Variants in LCA5 observed in about 807,000 individuals in gnomAD.
LCA5 encodes the protein lebercilin.
A neutral mutation model predicts 53.0 loss-of-function variants in LCA5; 37 were observed. The observed-to-expected ratio is 0.70, with a 90% confidence interval of 0.54 to 0.92. The LOEUF (loss-of-function observed/expected upper bound fraction) is 0.92. Ranked by LOEUF, LCA5 falls within the 40% of genes least tolerant of loss-of-function variation. LCA5 has a pLI of 0.00. For missense variants in LCA5, 806 were observed against 790.5 expected (o/e 1.02, Z -0.23); for synonymous variants, 303 against 282.9 (o/e 1.07, Z -0.71).
At chr6:79,513,185 T>C (rs1421738914) in intron 3 of LCA5, 27 bp downstream of exon 3, 9 of 1,601,582 alleles carry the variant, frequency 5.6e-6, no homozygotes, top group Non-Finnish European at 7.7e-6. Flanking sequence ...CCCAAGAAAG[T>C]ACAATTAGAA....
At chr6:79,489,997 A>G (rs1769792731) in intron 6 of LCA5, among the ~76,000 whole-genome samples, 1 of 152,070 alleles carries the variant, frequency 6.6e-6, no homozygotes, top group Admixed American at 6.6e-5. Context: ...CCTTTCCCAC[A>G]GGGGTGGAAA....
intron 3 of LCA5, among the ~76,000 whole-genome samples, chr6:79,512,720 G>A (rs1266265471): frequency 6.6e-6 from 1 of 152,098 alleles, no homozygotes; most frequent in African/African-American, 2.4e-5. Flanking sequence ...TTTTAAAAGA[G>A]CTGCTGTATT....
chr6:79,506,163 A>G (rs919787193), intron 3 of LCA5, among the ~76,000 whole-genome samples: 1 of 152,164 alleles, frequency 6.6e-6, no homozygotes, highest in Admixed American at 6.5e-5. Context: ...ATACTCAAGC[A>G]TTCCCCAAAA....
chr6:79,522,806 GA>G, intron 1 of LCA5, among the ~76,000 whole-genome samples: 1 of 151,906 alleles, frequency 6.6e-6, no homozygotes, highest in Non-Finnish European at 1.5e-5. Context: ...CCCACCTCCT[GA>G]GTAGCCAGAA....
intron 1 of LCA5, among the ~76,000 whole-genome samples, chr6:79,524,516 C>A (rs1052669321): frequency 2.0e-5 from 3 of 152,164 alleles, no homozygotes; most frequent in Admixed American, 6.5e-5. Context: ...ATGTTATAAT[C>A]ATTCTTTTAT....
chr6:79,526,954 C>G (rs1766809632), intron 1 of LCA5, among the ~76,000 whole-genome samples: 1 of 152,156 alleles, frequency 6.6e-6, no homozygotes, highest in African/African-American at 2.4e-5. Context: ...TGGCCATATC[C>G]TCCACCCTGT....
chr6:79,518,641 C>A, intron 2 of LCA5, 64 bp downstream of exon 2: 1 of 1,436,254 alleles, frequency 7.0e-7, no homozygotes, highest in East Asian at 2.3e-5. Context: ...CATGCACACA[C>A]ATTTTCCTTA....
At chr6:79,521,405 G>A (rs570491716) in intron 1 of LCA5, among the ~76,000 whole-genome samples, 1 of 152,210 alleles carries the variant, frequency 6.6e-6, no homozygotes, top group Admixed American at 6.5e-5. Context: ...TATTCCTAGT[G>A]AGACATAATG....
chr6:79,491,615 TTTGTTTTCGTAACACATAA>T lies in LCA5; in HGVS notation c.1052_1070del (p.Ile351AsnfsTer26). 6.2e-7 allele frequency: 1 copy of T among 1,613,158 alleles called. No individual in the cohort carries two copies. Among genetic ancestry groups the T allele is most frequent in the Non-Finnish European group, 8.5e-7 (1 of 1,179,238 alleles). ...AAGTAAGATGTCCTGGTTCTTCCCA[TTTGTTTTCGTAACACATAA>T]TTGTTTCTGGAGTTAAAGGATATTC... On this transcript the variant is annotated frameshift_variant, in exon 6 of 8. Transcript: ENST00000369846. LOFTEE classifies it high-confidence loss of function.
intron 6 of LCA5, among the ~76,000 whole-genome samples, chr6:79,490,240 C>A (rs1769800162): frequency 6.6e-6 from 1 of 152,022 alleles, no homozygotes. Context: ...TTTACAGTGG[C>A]AGGCTCAGTC....
Position 79,486,761 on chromosome 6 carries a change from C to G in LCA5, c.*243G>C. 1 of 418,038 alleles carries G rather than the reference C, an allele frequency of 2.4e-6. No individual in the cohort carries two copies. The highest frequency in any genetic ancestry group is 4.2e-6 in the Non-Finnish European group (1 of 237,242). The allele number at this position is 418,038 out of a possible 1,614,324, so 25.9% of individuals were successfully genotyped here. On this transcript the variant is annotated 3_prime_UTR_variant, in exon 8 of 8. Transcript: ENST00000369846. Reference sequence around the variant, plus strand: ...ATAGCACTGGATGAAGAGTTAAAATCTATTTCATTTTTCAAGACATATTTT... The same window carrying G: ...ATAGCACTGGATGAAGAGTTAAAATGTATTTCATTTTTCAAGACATATTTT...
Position 79,493,618 on chromosome 6 carries a change from A to C in LCA5, c.853T>G (p.Leu285Val). 6.2e-7 allele frequency: 1 copy of C among 1,612,812 alleles called. No homozygotes were observed. Residue 285 changes from leucine (L) to valine (V), a missense_variant, in exon 4 of 8, where the codon TTA becomes GTA. Leu to Val is a conservative substitution (Grantham distance 32). Transcript: ENST00000369846. ...QKEVQRLYHK[L>V]KEKERELDIK... ...ATGCAATTTAAAATACTTACCTTTA[A>C]TTTGTGATATAGTCGCTGTACCTCC...
At chr6:79,504,019 G>A (rs1770212087) in intron 3 of LCA5, among the ~76,000 whole-genome samples, 1 of 152,014 alleles carries the variant, frequency 6.6e-6, no homozygotes, top group Admixed American at 6.6e-5. Context: ...TAGGGGATGG[G>A]AAACAAAAAA....
At chr6:79,489,296 A>T (rs947263449) in intron 6 of LCA5, 80 bp from the exon 7 acceptor site, 1 of 1,377,496 alleles carries the variant, frequency 7.3e-7, no homozygotes, top group African/African-American at 1.4e-5. Flanking sequence ...TATCCATTAA[A>T]CATGATTACC....
chr6:79,487,588 T>C lies in LCA5; in HGVS notation c.1510A>G (p.Arg504Gly). 1 of 1,614,074 alleles carries C rather than the reference T, an allele frequency of 6.2e-7. No homozygotes were observed. The highest frequency in any genetic ancestry group is 1.3e-5 in the African/African-American group (1 of 75,038). The part of the protein sequence containing the change: ...DFESKLHSPE[R>G]SPKTYRFSES... ...GAGAACCTGTATGTTTTGGGGCTTC[T>C]CTCTGGGGAGTGTAGTTTTGATTCA... The change falls in exon 8 of 8, where the codon AGA (arginine) becomes GGA (glycine). Residue 504 changes from arginine (R) to glycine (G), a missense_variant. Physicochemically the swap from Arg to Gly is moderately radical, Grantham distance 125. Transcript: ENST00000369846.
At chr6:79,494,708 T>C (rs551622533) in intron 3 of LCA5, among the ~76,000 whole-genome samples, 9 of 152,304 alleles carry the variant, frequency 5.9e-5, no homozygotes, top group African/African-American at 2.2e-4. Context: ...AACACAATCT[T>C]TTTCAATGGA....
In LCA5 at chr6:79,487,326, C is replaced by A; in HGVS notation, c.1772G>T (p.Gly591Val). The stretch of plus-strand genomic sequence containing the variant: ...CTCTTTTCTTGTAATTAAATCTACA[C>A]CATCTTTACTAAGTTTTTCCATACT... The part of the protein sequence containing the change: ...RNSMEKLSKD[G>V]VDLITRKEKK... Residue 591 changes from glycine to valine, a missense_variant, in exon 8 of 8, where the codon GGT becomes GTT. Physicochemically the swap from Gly to Val is moderately radical, Grantham distance 109. Coordinates refer to ENST00000369846, the MANE Select transcript of LCA5 (RefSeq NM_001122769.3). The A allele has an allele frequency of 1.9e-6, 3 of 1,613,948 alleles. No individual in the cohort carries two copies. The highest frequency in any genetic ancestry group is 2.5e-6 in the Non-Finnish European group (3 of 1,179,878).
At chr6:79,498,199 T>C (rs1241320489) in intron 3 of LCA5, among the ~76,000 whole-genome samples, 2 of 151,248 alleles carry the variant, frequency 1.3e-5, no homozygotes, top group Admixed American at 6.6e-5. Flanking sequence ...TGTGTATATA[T>C]GCATATGACA....
chr6:79,524,137 C>T (rs1461159677), intron 1 of LCA5, among the ~76,000 whole-genome samples: 1 of 152,166 alleles, frequency 6.6e-6, no homozygotes, highest in African/African-American at 2.4e-5. Context: ...CCATTCCATT[C>T]TTCCTCCTAA....
Sources: allele counts gnomAD v4.1 joint callset (sites outside exome capture counted in the v4.1 genomes callset), GRCh38; gene constraint gnomAD v4.1.1; transcripts MANE v1.5; gene names NCBI Gene and HGNC (gene_info 2026-07-23, HGNC 2026-07-21).